DPYS: variants seen among roughly 807,000 people sequenced by gnomAD.
DPYS encodes the protein dihydropyrimidine amidohydrolase.
In DPYS, 39 loss-of-function variants were observed where a neutral mutation model predicts 50.3. The observed-to-expected ratio is 0.78, with a 90% CI of 0.60 to 1.01. The LOEUF is 1.01. Ranked by LOEUF, DPYS falls within the 50% of genes least tolerant of loss-of-function variation. DPYS has a pLI of 0.00. For synonymous variants in DPYS, 245 were observed against 250.7 expected (o/e 0.98, Z 0.22); for missense variants, 659 against 680.9 (o/e 0.97, Z 0.36).
chr8:104,379,866 T>G (rs187906065), intron 9 of DPYS, 23 bp from the exon 10 acceptor site: 1 of 456,158 alleles, frequency 2.2e-6, no homozygotes, highest in Non-Finnish European at 4.4e-6. Flanking sequence ...TGAAAGGAAC[T>G]CACTGTAACA....
intron 1 of DPYS, among the ~76,000 whole-genome samples, chr8:104,454,673 A>G (rs1166161152): frequency 2.0e-5 from 3 of 152,240 alleles, no homozygotes; most frequent in Non-Finnish European, 4.4e-5. Context: ...TTAGATTGTA[A>G]TAACAGGTAG....
intron 7 of DPYS, among the ~76,000 whole-genome samples, chr8:104,400,770 A>G (rs1476603719): frequency 6.6e-6 from 1 of 152,212 alleles, no homozygotes; most frequent in Non-Finnish European, 1.5e-5. Context: ...TCCCAATTAT[A>G]CACATCTCCA....
At chr8:104,439,624 A>G (rs1813274594) in intron 4 of DPYS, among the ~76,000 whole-genome samples, 1 of 152,094 alleles carries the variant, frequency 6.6e-6, no homozygotes, top group Non-Finnish European at 1.5e-5. Flanking sequence ...TTCTACAAAA[A>G]AATTTTAAAA....
intron 4 of DPYS, among the ~76,000 whole-genome samples, chr8:104,432,758 A>T (rs1334498100): frequency 1.3e-5 from 2 of 152,196 alleles, no homozygotes; most frequent in Admixed American, 6.5e-5. Flanking sequence ...CATCTGTGAA[A>T]TGGGATCATA....
intron 7 of DPYS, among the ~76,000 whole-genome samples, chr8:104,398,621 T>C (rs1018636033): frequency 3.9e-5 from 6 of 152,252 alleles, no homozygotes; most frequent in African/African-American, 1.4e-4. Flanking sequence ...TTGTGATAAT[T>C]TGAAAAACAC....
intron 7 of DPYS, among the ~76,000 whole-genome samples, chr8:104,399,693 C>T (rs970167694): frequency 6.6e-6 from 1 of 151,600 alleles, no homozygotes; most frequent in Admixed American, 6.6e-5. Context: ...CATGGTGAAA[C>T]CCCGTCTCTA....
chr8:104,441,037 G>T (rs1161937150), intron 4 of DPYS, among the ~76,000 whole-genome samples: 1 of 152,178 alleles, frequency 6.6e-6, no homozygotes, highest in African/African-American at 2.4e-5. Flanking sequence ...GCTGGGCACA[G>T]TTTATGTCCA....
rs118173136 is a variant in DPYS, at chr8:104,416,189, C to A, written c.1235+8058G>T. Among the ~76,000 whole-genome samples the A allele has an allele frequency of 1.8e-4, 28 of 152,308 alleles. No individual in the cohort carries two copies. The South Asian group carries it at 3.7e-3, about 20-fold the overall frequency. On this transcript the variant is annotated intron_variant, in intron 7 of 9. Coordinates refer to ENST00000351513, the MANE Select transcript of DPYS (RefSeq NM_001385.3). Reference sequence around the variant, plus strand: ...CTTCACTCTATGGTACTGCTCCCCCCCAATAGCCCAGATGGCAGGTTTGAT... The same window carrying A: ...CTTCACTCTATGGTACTGCTCCCCCACAATAGCCCAGATGGCAGGTTTGAT...
chr8:104,427,926 C>T, intron 6 of DPYS, 54 bp downstream of exon 6: 1 of 1,612,676 alleles, frequency 6.2e-7, no homozygotes, highest in South Asian at 1.1e-5. Context: ...CTCAAATGGG[C>T]AGGATCCTGG....
intron 7 of DPYS, among the ~76,000 whole-genome samples, chr8:104,415,359 G>A (rs1437093900): frequency 6.6e-6 from 1 of 152,222 alleles, no homozygotes; most frequent in Non-Finnish European, 1.5e-5. Flanking sequence ...AATGATCAGT[G>A]ATAGAATGGG....
intron 7 of DPYS, among the ~76,000 whole-genome samples, chr8:104,406,206 T>C (rs931650876): frequency 9.2e-5 from 14 of 152,178 alleles, no homozygotes; most frequent in African/African-American, 4.8e-5. Context: ...AAAGTCTAGA[T>C]ACTGCAGTCA....
chr8:104,386,690 C>T (rs570122955), intron 8 of DPYS, among the ~76,000 whole-genome samples: 28 of 150,934 alleles, frequency 1.9e-4, no homozygotes, highest in Middle Eastern at 3.4e-3. Context: ...TACAGTGGTA[C>T]GATCTCAGCT....
At chr8:104,434,938 A>C (rs1813084564) in intron 4 of DPYS, among the ~76,000 whole-genome samples, 1 of 152,234 alleles carries the variant, frequency 6.6e-6, no homozygotes, top group Non-Finnish European at 1.5e-5. Context: ...TGACAATTTC[A>C]GTCATAAATG....
rs1380898046 is a variant in DPYS, at chr8:104,466,741, C to A, written c.180G>T (p.Leu60=). Residue 60 remains leucine (L), a synonymous_variant, in exon 1 of 10, where the codon CTG becomes CTT. Coordinates refer to ENST00000351513, the MANE Select transcript of DPYS (RefSeq NM_001385.3). ...RVLDAAGKLV[L]PGGIDTHTHM... The stretch of plus-strand genomic sequence containing the variant: ...GCGTGTGTGTGTCGATGCCTCCGGG[C>A]AGGACGAGCTTGCCGGCGGCGTCGA... 2 of 1,535,630 alleles carry A rather than the reference C, an allele frequency of 1.3e-6. No individual in the cohort carries two copies. Among genetic ancestry groups the A allele is most frequent in the South Asian group, 1.2e-5 (1 of 83,604 alleles).
chr8:104,455,634 T>C (rs556807037), intron 1 of DPYS, among the ~76,000 whole-genome samples: 1 of 152,192 alleles, frequency 6.6e-6, no homozygotes, highest in South Asian at 2.1e-4. Flanking sequence ...GGAGAAAATG[T>C]AGGAGTGACC....
At chr8:104,435,876 A>T (rs1018792133) in intron 4 of DPYS, among the ~76,000 whole-genome samples, 1 of 152,090 alleles carries the variant, frequency 6.6e-6, no homozygotes, top group East Asian at 1.9e-4. Flanking sequence ...GATTTTAGGA[A>T]TGTGGAAAGC....
Position 104,458,671 on chromosome 8 carries a change from G to T in DPYS, c.265-7267C>A, listed in dbSNP as rs182789799. Among the ~76,000 whole-genome samples the T allele has an allele frequency of 4.2e-3, 637 of 152,306 alleles. 2 individuals are homozygous for T. The highest frequency in any genetic ancestry group is 8.9e-3 in the South Asian group (43 of 4,824). ...AAAAGTCACGAGATGGAATAATTAT[G>T]ATGGTTCACTTTTCCAATAGCAAAC... On this transcript the variant is annotated intron_variant, in intron 1 of 9. Coordinates refer to ENST00000351513, the MANE Select transcript of DPYS (RefSeq NM_001385.3).
intron 8 of DPYS, among the ~76,000 whole-genome samples, chr8:104,384,695 G>A (rs1811157398): frequency 2.0e-5 from 3 of 152,158 alleles, no homozygotes. Context: ...CTCTTTCTCT[G>A]GCATCCCAGA....
At chr8:104,382,525 G>C (rs2140499088) in intron 8 of DPYS, among the ~76,000 whole-genome samples, 3 of 147,530 alleles carry the variant, frequency 2.0e-5, no homozygotes, top group Middle Eastern at 3.5e-3. Context: ...TCCCTTTCAG[G>C]TCCTTGGTCC....
Sources: allele counts gnomAD v4.1 joint callset (sites outside exome capture counted in the v4.1 genomes callset), GRCh38; gene constraint gnomAD v4.1.1; transcripts MANE v1.5; gene names NCBI Gene and HGNC (gene_info 2026-07-23, HGNC 2026-07-21).